The following FAT3 variants were observed in gnomAD, a reference collection of about 807,000 sequenced individuals.
FAT3 encodes protocadherin Fat 3.
A neutral mutation model predicts 310.2 loss-of-function variants in FAT3; 95 were observed. That is an observed-to-expected ratio of 0.31 (90% CI 0.26 to 0.36). The LOEUF is 0.36. Ranked by LOEUF, FAT3 falls within the 10% of genes least tolerant of loss-of-function variation. The pLI, the probability that FAT3 is intolerant of heterozygous loss-of-function variation, is 1.00. For synonymous variants in FAT3, 2,314 were observed against 2,192.9 expected (o/e 1.06, Z -1.54); for missense variants, 5,408 against 5,715.6 (o/e 0.95, Z 1.74).
In FAT3 at chr11:92,891,798, A is replaced by G. The variant is rs1430569008; in HGVS notation, c.*685A>G. ...AAGAAAGGTATCAATGAAGAGCAACATGAGGCTTTTTGGGTTCCATTTGGT... is the reference window on the plus strand; with the variant it reads ...AAGAAAGGTATCAATGAAGAGCAACGTGAGGCTTTTTGGGTTCCATTTGGT... On this transcript the variant is annotated 3_prime_UTR_variant, in exon 28 of 28. Transcript: ENST00000525166. 1.3e-5 allele frequency: 2 copies of G among 152,480 alleles called. No individual in the cohort carries two copies. Among genetic ancestry groups the G allele is most frequent in the African/African-American group, 4.8e-5 (2 of 41,462 alleles). 9.4% of individuals were successfully genotyped at this position (152,480 alleles called of 1,614,324 possible).
intron 21 of FAT3, among the ~76,000 whole-genome samples, chr11:92,861,368 T>C (rs535890426): frequency 1.3e-4 from 20 of 152,336 alleles, no homozygotes; most frequent in African/African-American, 4.6e-4. Flanking sequence ...GAGCTTGTGA[T>C]TTGACACTTC....
intron 4 of FAT3, among the ~76,000 whole-genome samples, chr11:92,699,798 A>G (rs541034973): frequency 6.6e-6 from 1 of 152,348 alleles, no homozygotes; most frequent in South Asian, 2.1e-4. Context: ...CATGTAAAAC[A>G]TCCAGTCCAG....
intron 3 of FAT3, among the ~76,000 whole-genome samples, chr11:92,597,410 G>A (rs957869631): frequency 1.3e-5 from 2 of 152,146 alleles, no homozygotes; most frequent in East Asian, 1.9e-4. Context: ...ACCAATGAAC[G>A]GACAGTCACG....
At chr11:92,807,361 G>T (rs906459290) in intron 12 of FAT3, among the ~76,000 whole-genome samples, 2 of 152,120 alleles carry the variant, frequency 1.3e-5, no homozygotes, top group East Asian at 3.9e-4. Context: ...AGAATATGAT[G>T]CTCAGTATCT....
intron 4 of FAT3, among the ~76,000 whole-genome samples, chr11:92,756,638 C>T (rs979046443): frequency 6.6e-6 from 1 of 152,084 alleles, no homozygotes; most frequent in Non-Finnish European, 1.5e-5. Context: ...CCAAGATCTC[C>T]GCTTTTAGGC....
At chr11:92,464,356 T>TA (rs1951709225) in intron 2 of FAT3, among the ~76,000 whole-genome samples, 1 of 152,228 alleles carries the variant, frequency 6.6e-6, no homozygotes. Flanking sequence ...TGGATGCAGT[T>TA]ACCATCTTCA....
At chr11:92,864,821 AAAG>A (rs1032681352) in intron 21 of FAT3, among the ~76,000 whole-genome samples, 16 of 152,238 alleles carry the variant, frequency 1.1e-4, no homozygotes, top group Non-Finnish European at 8.8e-5. Flanking sequence ...ATCTAAAAAA[AAAG>A]AAGAAGAAAG....
chr11:92,568,192 G>T (rs561469734), intron 3 of FAT3, among the ~76,000 whole-genome samples: 1 of 152,206 alleles, frequency 6.6e-6, no homozygotes, highest in African/African-American at 2.4e-5. Context: ...CCTGTTAGTA[G>T]AGAATCAGCA....
intron 3 of FAT3, among the ~76,000 whole-genome samples, chr11:92,538,908 A>G (rs963008783): frequency 5.3e-5 from 8 of 152,158 alleles, no homozygotes; most frequent in Admixed American, 5.2e-4. Context: ...GAGATGTAAA[A>G]TAAATCCATC....
intron 7 of FAT3, 31 bp downstream of exon 7, chr11:92,774,211 T>A (rs1294135391): frequency 3.8e-6 from 6 of 1,577,466 alleles, no homozygotes; most frequent in Non-Finnish European, 2.6e-6. Flanking sequence ...ATAGCAGGAA[T>A]GCTGAAAGAG....
chr11:92,537,780 T>A lies in FAT3; in HGVS notation c.3607+12832T>A, dbSNP rs531590872. Among the ~76,000 whole-genome samples the A allele has an allele frequency of 3.3e-5, 5 of 152,268 alleles. No homozygotes were observed. The East Asian group carries it at 5.8e-4, about 18-fold the overall frequency. On this transcript the variant is annotated intron_variant, in intron 3 of 27. Transcript: ENST00000525166. ...TTTGCTGTCAACGTTTGAAATAGAT[T>A]TCCCTTTATTTAAGAAAAATATCTT... is the stretch of plus-strand genomic sequence containing the variant.
intron 2 of FAT3, among the ~76,000 whole-genome samples, chr11:92,413,808 A>G (rs1289361055): frequency 6.6e-6 from 1 of 152,208 alleles, no homozygotes; most frequent in Non-Finnish European, 1.5e-5. Context: ...ATATGTTGAC[A>G]GGCGGGAGAG....
rs1949258533 is a variant in FAT3, at chr11:92,866,806, G to A, written c.11724G>A (p.Ser3908=). The change falls in exon 22 of 28, where the codon TCG becomes TCA. Residue 3908 remains serine (S), a synonymous_variant. Coordinates refer to ENST00000525166, the MANE Select transcript of FAT3 (RefSeq NM_001367949.2). The part of the protein sequence containing the change: ...CGSGPGILGI[S]GRAVNDGSWH... ...GCGGCCCTGGAATCTTGGGCATCTC[G>A]GGCCGTGCTGTCAACGACGGGAGCT... is the stretch of plus-strand genomic sequence containing the variant. The A allele has an allele frequency of 1.2e-6, 2 of 1,613,876 alleles. No individual in the cohort carries two copies. The highest frequency in any genetic ancestry group is 1.7e-6 in the Non-Finnish European group (2 of 1,179,870).
At chr11:92,521,601 C>T (rs995311600) in intron 2 of FAT3, among the ~76,000 whole-genome samples, 21 of 152,046 alleles carry the variant, frequency 1.4e-4, no homozygotes, top group African/African-American at 2.4e-4. Context: ...AAACAAGATT[C>T]GCTTGGGTTG....
At chr11:92,548,270 C>A (rs752467366) in intron 3 of FAT3, among the ~76,000 whole-genome samples, 9 of 152,084 alleles carry the variant, frequency 5.9e-5, no homozygotes, top group Non-Finnish European at 8.8e-5. Flanking sequence ...TTTATACTGT[C>A]GTATCAAGGG....
chr11:92,620,983 G>A (rs951645308), intron 3 of FAT3, among the ~76,000 whole-genome samples: 4 of 152,206 alleles, frequency 2.6e-5, no homozygotes, highest in Non-Finnish European at 5.9e-5. Flanking sequence ...TCTTATATCA[G>A]CACTAATCCC....
chr11:92,746,365 C>T (rs1703938818), intron 4 of FAT3, among the ~76,000 whole-genome samples: 1 of 152,156 alleles, frequency 6.6e-6, no homozygotes, highest in African/African-American at 2.4e-5. Context: ...ATAAAACCAT[C>T]AGATCCCATG....
intron 2 of FAT3, among the ~76,000 whole-genome samples, chr11:92,372,196 G>C (rs952524131): frequency 4.6e-5 from 7 of 152,118 alleles, no homozygotes; most frequent in African/African-American, 1.4e-4. Flanking sequence ...CTAGTGGGAA[G>C]CTAGTACTTC....
intron 2 of FAT3, among the ~76,000 whole-genome samples, chr11:92,488,605 T>C (rs1305886420): frequency 3.3e-5 from 5 of 151,952 alleles, no homozygotes; most frequent in Non-Finnish European, 7.4e-5. Context: ...AATCCCATTA[T>C]ATCCTACTTG....
Sources: gnomAD v4.1 joint callset for allele counts (sites outside exome capture counted in the v4.1 genomes callset) on GRCh38, gnomAD v4.1.1 for gene constraint, MANE v1.5 for transcripts, NCBI Gene and HGNC (gene_info 2026-07-23, HGNC 2026-07-21) for gene names.